Variants in DIDO1 observed in about 807,000 individuals in gnomAD.
DIDO1 encodes death-inducer obliterator 1.
Under a neutral mutation model 99.4 loss-of-function variants are expected in DIDO1, and 16 were observed. The ratio of observed to expected loss-of-function variants is 0.16; its 90% CI spans 0.11 to 0.24. DIDO1 has a LOEUF of 0.24. Ranked by LOEUF, DIDO1 falls within the 10% of genes least tolerant of loss-of-function variation. The pLI, the probability that DIDO1 is intolerant of heterozygous loss-of-function variation, is 1.00. For synonymous variants in DIDO1, 1,366 were observed against 1,239.1 expected (o/e 1.10, Z -2.15); for missense variants, 2,996 against 3,014.0 (o/e 0.99, Z 0.14).
At chr20:62,918,984 T>C (rs1368699964) in intron 1 of DIDO1, among the ~76,000 whole-genome samples, 4 of 152,078 alleles carry the variant, frequency 2.6e-5, no homozygotes, top group African/African-American at 9.7e-5. Flanking sequence ...TCAGATGACA[T>C]CCCCAAATGC....
Position 62,907,346 on chromosome 20 carries a change from G to T in DIDO1, c.1175C>A (p.Pro392His). The T allele has an allele frequency of 6.2e-7, 1 of 1,613,984 alleles. No homozygotes were observed. Among genetic ancestry groups the T allele is most frequent in the Non-Finnish European group, 8.5e-7 (1 of 1,180,050 alleles). ...GGGGCCAATACATTTTGAGGCACCA[G>T]GCGCCTCTATCACCTGCAGAACAAA... The part of the protein sequence containing the change: ...LKIFQPVIEA[P>H]GASKCIGPGC... The change falls in exon 5 of 16, where the codon CCT becomes CAT. Residue 392 changes from proline to histidine, a missense_variant. Transcript: ENST00000395343.
intron 15 of DIDO1, chr20:62,889,545 G>A (rs2064357125): frequency 1.0e-6 from 1 of 985,334 alleles, no homozygotes; most frequent in South Asian, 4.7e-5. Flanking sequence ...GTGCTGCAGT[G>A]TCTGCACTGA....
At chr20:62,892,683 A>G (rs887156570) in intron 13 of DIDO1, 126 bp downstream of exon 13, 1 of 1,296,500 alleles carries the variant, frequency 7.7e-7, no homozygotes, top group Non-Finnish European at 1.0e-6. Flanking sequence ...AGACGGTTGC[A>G]AGAGTGTCAG....
intron 1 of DIDO1, among the ~76,000 whole-genome samples, chr20:62,925,691 C>T (rs1039560747): frequency 3.9e-5 from 6 of 152,250 alleles, no homozygotes; most frequent in Non-Finnish European, 7.3e-5. Flanking sequence ...GAAGGAGCCC[C>T]GGACGCCGCA....
Position 62,894,526 on chromosome 20 carries a change from G to A in DIDO1, c.2459C>T (p.Ala820Val). 1 of 1,612,618 alleles carries A rather than the reference G, an allele frequency of 6.2e-7. No homozygotes were observed. The change falls in exon 11 of 16, where the codon GCT becomes GTT. Residue 820 changes from alanine to valine, a missense_variant. This residue lies in a region of DIDO1 where 898 missense variants were observed against 972.7 expected (regional missense o/e 0.92). Transcript: ENST00000395343. This position sits in a 1 kb window ranked among gnomAD's most constrained non-coding sequence, Gnocchi z 4.4. ...CGGCGCTGTGCTCTTCTCAGGGACA[G>A]CACGTGCTGACTCTTGCTGTTCCTA... is the stretch of plus-strand genomic sequence containing the variant. Reference protein sequence around the residue: ...DSEEQQESARAVPEKSTAPLL... With the variant: ...DSEEQQESARVVPEKSTAPLL...
chr20:62,891,933 GT>G (rs747934191), intron 14 of DIDO1, 53 bp downstream of exon 14: 102 of 1,491,802 alleles, frequency 6.8e-5, no homozygotes, highest in South Asian at 1.2e-4. Flanking sequence ...AAAAAGATGT[GT>G]TTAAATCAAC....
intron 6 of DIDO1, among the ~76,000 whole-genome samples, chr20:62,901,994 C>T (rs1916967765): frequency 6.6e-6 from 1 of 151,780 alleles, no homozygotes; most frequent in African/African-American, 2.4e-5. Context: ...ATGAGTAGAT[C>T]CACAGCTCCG....
chr20:62,918,568 C>T (rs2065079575), intron 1 of DIDO1, among the ~76,000 whole-genome samples: 1 of 152,180 alleles, frequency 6.6e-6, no homozygotes, highest in Non-Finnish European at 1.5e-5. Flanking sequence ...AGGAAAAGAG[C>T]TCTGACTTCT....
chr20:62,901,083 A>G (rs1568855087), intron 6 of DIDO1, among the ~76,000 whole-genome samples: 1 of 152,250 alleles, frequency 6.6e-6, no homozygotes, highest in African/African-American at 2.4e-5. Context: ...ATGTGTTCAC[A>G]TGAATTCGCC....
intron 1 of DIDO1, among the ~76,000 whole-genome samples, chr20:62,918,860 T>C (rs1024745962): frequency 1.3e-5 from 2 of 152,212 alleles, no homozygotes; most frequent in Admixed American, 1.3e-4. Context: ...GAGAAGACAC[T>C]AGGTAAAAGA....
At chr20:62,908,392 T>G (rs1049483190) in intron 4 of DIDO1, among the ~76,000 whole-genome samples, 1 of 152,208 alleles carries the variant, frequency 6.6e-6, no homozygotes, top group Non-Finnish European at 1.5e-5. Flanking sequence ...CTGTGAGACC[T>G]GAGCAGCAGG....
chr20:62,897,127 A>G (rs963077971), intron 6 of DIDO1, 131 bp from the exon 7 acceptor site: 28 of 820,082 alleles, frequency 3.4e-5, no homozygotes, highest in Non-Finnish European at 4.9e-5. Context: ...ACACATAGAG[A>G]AAAGGATTTG....
rs150078796 is a variant in DIDO1, at chr20:62,903,684, G to A, written c.1588+2203C>T. 8.6e-4 allele frequency among the ~76,000 whole-genome samples: 131 copies of A among 152,302 alleles called. 1 individual carries two copies. Among genetic ancestry groups the A allele is most frequent in the African/African-American group, 3.0e-3 (124 of 41,554 alleles). ...GACAACATTTACGGGATAACAAAAC[G>A]AGCAGAAGCTACTAGCTCAAAAGTG... On this transcript the variant is annotated intron_variant, in intron 6 of 15. Coordinates refer to ENST00000395343, the MANE Select transcript of DIDO1 (RefSeq NM_001193369.2).
Position 62,880,205 on chromosome 20 carries a change from T to C in DIDO1, c.5751A>G (p.Gly1917=), listed in dbSNP as rs1200372771. Residue 1917 remains glycine (G), a synonymous_variant, in exon 16 of 16, where the codon GGA becomes GGG. Coordinates refer to ENST00000395343, the MANE Select transcript of DIDO1 (RefSeq NM_001193369.2). ...PPPSQFGGQR[G]PPPGHFVGPR... ...GGCCCACGAAATGACCAGGGGGTGG[T>C]CCTCTCTGACCTCCAAACTGAGAGG... The C allele has an allele frequency of 6.2e-7, 1 of 1,612,282 alleles. No individual in the cohort carries two copies. The highest frequency in any genetic ancestry group is 2.2e-5 in the East Asian group (1 of 44,828).
At chr20:62,907,063 A>G (rs1433315917) in intron 5 of DIDO1, 84 bp downstream of exon 5, 2 of 1,445,030 alleles carry the variant, frequency 1.4e-6, no homozygotes, top group Admixed American at 3.4e-5. Context: ...CCACCCCCAC[A>G]CGGTCTACAA....
chr20:62,894,209 G>C lies in DIDO1; in HGVS notation c.2573-15C>G, dbSNP rs753468741. 6.8e-6 allele frequency: 11 copies of C among 1,606,900 alleles called. No individual in the cohort carries two copies. In the East Asian group the frequency reaches 2.0e-4, roughly 29 times the overall value. ...GGGAACCTGGCCTGAAGAAGGCGAGGAAAGGCTCTGTGAGAAACCCAGCCG... is the reference window on the plus strand; with the variant it reads ...GGGAACCTGGCCTGAAGAAGGCGAGCAAAGGCTCTGTGAGAAACCCAGCCG... On this transcript the variant is annotated splice_polypyrimidine_tract_variant and intron_variant, in intron 11 of 15. Transcript: ENST00000395343. The surrounding 1 kb of genome is among the most constrained non-coding windows in gnomAD (Gnocchi z 4.4).
Position 62,880,249 on chromosome 20 carries a change from G to A in DIDO1, c.5707C>T (p.Pro1903Ser), listed in dbSNP as rs150702962. Residue 1903 changes from proline to serine, a missense_variant, in exon 16 of 16, where the codon CCC becomes TCC. Physicochemically the swap from Pro to Ser is moderately conservative, Grantham distance 74 (BLOSUM62 -1). Coordinates refer to ENST00000395343, the MANE Select transcript of DIDO1 (RefSeq NM_001193369.2). ...TGAGAGGGAGGGGGGCCGCCTCGGG[G>A]GCCTTTCAGCTGAGACAGCAGTGGC... ...RRPLLSQLKG[P>S]RGGPPPSQFG... 5.6e-6 allele frequency: 9 copies of A among 1,612,454 alleles called. No individual in the cohort carries two copies. The African/African-American group carries it at 9.3e-5, about 17-fold the overall frequency.
intron 1 of DIDO1, chr20:62,937,661 G>A (rs932515841): frequency 9.6e-5 from 38 of 394,944 alleles, no homozygotes; most frequent in Middle Eastern, 6.3e-4. Context: ...CTGGACCTCA[G>A]GGACACTAGC....
chr20:62,894,129 T>G lies in DIDO1; in HGVS notation c.2638A>C (p.Lys880Gln), dbSNP rs749383319. The G allele has an allele frequency of 2.8e-5, 46 of 1,614,104 alleles. No homozygotes were observed. Among genetic ancestry groups the G allele is most frequent in the Non-Finnish European group, 3.6e-5 (42 of 1,180,048 alleles). Residue 880 changes from lysine to glutamine, a missense_variant, in exon 12 of 16, where the codon AAA (lysine) becomes CAA (glutamine). Physicochemically the swap from Lys to Gln is moderately conservative, Grantham distance 53 (BLOSUM62 1). Transcript: ENST00000395343. The surrounding 1 kb of genome is among the most constrained non-coding windows in gnomAD (Gnocchi z 4.4). ...KKQKLSASVK[K>Q]EDLKSKHDSS... ...TCATGCTTTGATTTTAAGTCTTCTTTCTTAACAGAAGCTGACAATTTTTGT... is the reference window on the plus strand; with the variant it reads ...TCATGCTTTGATTTTAAGTCTTCTTGCTTAACAGAAGCTGACAATTTTTGT...
Sources: allele counts gnomAD v4.1 joint callset (sites outside exome capture counted in the v4.1 genomes callset), GRCh38; gene constraint gnomAD v4.1.1; regional missense constraint gnomAD v4.1.1; non-coding constraint Gnocchi (gnomAD v3.1); transcripts MANE v1.5; gene names NCBI Gene and HGNC (gene_info 2026-07-23, HGNC 2026-07-21).